Variants in ZSCAN21 observed in about 807,000 individuals in gnomAD.
The protein encoded by ZSCAN21 is zinc finger and SCAN domain containing 21.
A neutral mutation model predicts 35.6 loss-of-function variants in ZSCAN21; 26 were observed. The observed-to-expected ratio is 0.73, with a 90% CI of 0.54 to 1.01. The LOEUF (loss-of-function observed/expected upper bound fraction) is 1.01, where lower values mean the gene tolerates loss of function less well. Ranked by LOEUF, ZSCAN21 falls within the 50% of genes least tolerant of loss-of-function variation. The pLI, the probability that ZSCAN21 is intolerant of heterozygous loss-of-function variation, is 0.00. For missense variants in ZSCAN21, 593 were observed against 587.1 expected (o/e 1.01, Z -0.10); for synonymous variants, 219 against 219.3 (o/e 1.00, Z 0.01).
chr7:100,052,244 G>C (rs372816452), intron 1 of ZSCAN21, among the ~76,000 whole-genome samples: 1 of 151,964 alleles, frequency 6.6e-6, no homozygotes, highest in Non-Finnish European at 1.5e-5. Context: ...GCAACAAAGC[G>C]AGACCCTGCC....
Position 100,051,288 on chromosome 7 carries a change from T to TC in ZSCAN21, c.-97+1447_-97+1448insC, listed in dbSNP as rs1480637617. ...CTAGGGATCTAGGGATTTTCTTTTT[T>TC]TTTTTTTTTTTTTTTTTTTTTTTGA... On this transcript the variant is annotated intron_variant, in intron 1 of 3. Transcript: ENST00000292450. Among the ~76,000 whole-genome samples the TC allele has an allele frequency of 3.6e-4, 20 of 56,104 alleles. 1 individual carries two copies. The highest frequency in any genetic ancestry group is 1.2e-3 in the African/African-American group (20 of 16,478). The allele number at this position is 56,104 out of a possible 152,430, so 36.8% of individuals were successfully genotyped here.
rs192880688 is a variant in ZSCAN21 at position 100,056,465 on chromosome 7, A to G, written c.-96-446A>G. On this transcript the variant is annotated intron_variant, in intron 1 of 3. Coordinates refer to ENST00000292450, the MANE Select transcript of ZSCAN21 (RefSeq NM_145914.3). Reference sequence around the variant, plus strand: ...TAGGATATCCTGAGCTGATTGCAGAAAGATTTTTTTTTTTTTAGAGATGGA... The same window carrying G: ...TAGGATATCCTGAGCTGATTGCAGAGAGATTTTTTTTTTTTTAGAGATGGA... 2.1e-3 allele frequency among the ~76,000 whole-genome samples: 292 copies of G among 142,254 alleles called. 2 individuals are homozygous for G. The highest frequency in any genetic ancestry group is 4.0e-3 in the Admixed American group (58 of 14,492). 93.3% of individuals were successfully genotyped at this position (142,254 alleles called of 152,430 possible).
Position 100,056,957 on chromosome 7 carries a change from T to G in ZSCAN21, c.-50T>G, listed in dbSNP as rs1562845327. The G allele has an allele frequency of 6.6e-7, 1 of 1,512,288 alleles. No individual in the cohort carries two copies. Among genetic ancestry groups the G allele is most frequent in the Non-Finnish European group, 8.8e-7 (1 of 1,130,078 alleles). 93.7% of individuals were successfully genotyped at this position (1,512,288 alleles called of 1,614,324 possible). A position where few individuals can be genotyped will look rare whatever the true frequency, so the allele number is the denominator to read the frequency against. On this transcript the variant is annotated 5_prime_UTR_variant, in exon 2 of 4. Transcript: ENST00000292450. ...AACTGGAAACCCAAAGGAACGAATA[T>G]TCCTGCCCCACAGAGTCCCATCTTT...
chr7:100,063,911 G>T lies in ZSCAN21; in HGVS notation c.716G>T (p.Arg239Met). Residue 239 changes from arginine to methionine, a missense_variant, in exon 4 of 4, where the codon AGG becomes ATG. Arg to Met is a moderately conservative substitution (Grantham distance 91). Transcript: ENST00000292450. ...IANKPEASLE[R>M]QCVNLENEKG... Reference sequence around the variant, plus strand: ...AATAAACCTGAGGCCAGCTTAGAGAGGCAGTGCGTAAACCTTGAAAATGAA... The same window carrying T: ...AATAAACCTGAGGCCAGCTTAGAGATGCAGTGCGTAAACCTTGAAAATGAA... 6.2e-7 allele frequency: 1 copy of T among 1,614,164 alleles called. No individual in the cohort carries two copies. The highest frequency in any genetic ancestry group is 8.5e-7 in the Non-Finnish European group (1 of 1,180,038).
chr7:100,051,818 T>C (rs1469977728), intron 1 of ZSCAN21, among the ~76,000 whole-genome samples: 2 of 152,110 alleles, frequency 1.3e-5, no homozygotes, highest in Non-Finnish European at 2.9e-5. Flanking sequence ...TGATAGACCA[T>C]GAACTTTTGC....
At chr7:100,060,806 G>A (rs1792259794) in intron 3 of ZSCAN21, among the ~76,000 whole-genome samples, 1 of 144,470 alleles carries the variant, frequency 6.9e-6, no homozygotes, top group African/African-American at 2.5e-5. Flanking sequence ...GTTGCAGTAA[G>A]TCAAGATCGC....
At chr7:100,058,817 C>T (rs918090140) in intron 3 of ZSCAN21, among the ~76,000 whole-genome samples, 2 of 152,140 alleles carry the variant, frequency 1.3e-5, no homozygotes, top group African/African-American at 2.4e-5. Flanking sequence ...TCAAATGATC[C>T]TCCCACCTCA....
At chr7:100,053,546 A>AT (rs1554358004) in intron 1 of ZSCAN21, among the ~76,000 whole-genome samples, 96 of 79,492 alleles carry the variant, frequency 1.2e-3, no homozygotes, top group East Asian at 3.7e-3. Context: ...TACATACATA[A>AT]TTTTTTTTTT....
At position 100,053,546 on chromosome 7, in the gene ZSCAN21, A is replaced by ATACATAGT. The variant is rs755978112; in HGVS notation, c.-96-3364_-96-3363insACATAGTT. On this transcript the variant is annotated intron_variant, in intron 1 of 3. Coordinates refer to ENST00000292450, the MANE Select transcript of ZSCAN21 (RefSeq NM_145914.3). The stretch of plus-strand genomic sequence containing the variant: ...ACATACATACATACATACATACATA[A>ATACATAGT]TTTTTTTTTTTTTTTTTTTTTTGCA... Among the ~76,000 whole-genome samples, 782 of 79,424 alleles carry ATACATAGT rather than the reference A, an allele frequency of 9.8e-3. 95 individuals carry two copies. Among genetic ancestry groups the ATACATAGT allele is most frequent in the Middle Eastern group, 0.043 (8 of 186 alleles). The allele number at this position is 79,424 out of a possible 152,430, so 52.1% of individuals were successfully genotyped here. A position where few individuals can be genotyped will look rare whatever the true frequency, so the allele number is the denominator to read the frequency against.
In ZSCAN21 at chr7:100,065,001, A is replaced by T; in HGVS notation, c.*384A>T. On this transcript the variant is annotated 3_prime_UTR_variant, in exon 4 of 4. Coordinates refer to ENST00000292450, the MANE Select transcript of ZSCAN21 (RefSeq NM_145914.3). ...TAAAGAATTGAGCCACATTGAACAC[A>T]ATTGAATGAGATTCAGAATAAACTT... 1.3e-6 allele frequency: 2 copies of T among 1,511,722 alleles called. No homozygotes were observed. Among genetic ancestry groups the T allele is most frequent in the South Asian group, 2.4e-5 (2 of 82,670 alleles). The allele number at this position is 1,511,722 out of a possible 1,614,324, so 93.6% of individuals were successfully genotyped here.
At chr7:100,051,602 G>A (rs1267046568) in intron 1 of ZSCAN21, 1 of 152,060 alleles carries the variant, frequency 6.6e-6, no homozygotes, top group African/African-American at 2.4e-5. Flanking sequence ...GCCCCCTAGG[G>A]ATTTTCAGGT....
intron 3 of ZSCAN21, among the ~76,000 whole-genome samples, chr7:100,062,775 T>A (rs1181119506): frequency 1.3e-5 from 2 of 151,960 alleles, no homozygotes; most frequent in East Asian, 3.9e-4. Flanking sequence ...TTCGGGAGGC[T>A]GAGTCAGGAG....
rs555411621 is a variant in ZSCAN21, at chr7:100,057,235, G to T, written c.229G>T (p.Glu77Ter). 1 of 1,613,754 alleles carries T rather than the reference G, an allele frequency of 6.2e-7. No homozygotes were observed. The highest frequency in any genetic ancestry group is 1.1e-5 in the South Asian group (1 of 91,048). The change falls in exon 2 of 4, where the codon GAG becomes TAG. Residue 77 changes from glutamate to a stop codon, truncating the protein, a stop_gained. Transcript: ENST00000292450. LOFTEE classifies it high-confidence loss of function. ...GCTCTGCTGTGAGTGGCTGAGGCCCGAGATCCACACCAAGGAGCAGATCCT... is the reference window on the plus strand; with the variant it reads ...GCTCTGCTGTGAGTGGCTGAGGCCCTAGATCCACACCAAGGAGCAGATCCT... ...RVLCCEWLRP[E>*]IHTKEQILEL...
intron 1 of ZSCAN21, among the ~76,000 whole-genome samples, chr7:100,050,466 G>C (rs1271375259): frequency 4.6e-5 from 7 of 152,178 alleles, no homozygotes; most frequent in Admixed American, 4.6e-4. Context: ...CAGCAGTTCG[G>C]GAGGCCGAGG....
chr7:100,057,379 C>T lies in ZSCAN21; in HGVS notation c.373C>T (p.Arg125Trp), dbSNP rs373816425. 3.6e-5 allele frequency: 57 copies of T among 1,565,304 alleles called. No homozygotes were observed. The highest frequency in any genetic ancestry group is 1.1e-4 in the East Asian group (5 of 44,554). The change falls in exon 2 of 4, where the codon CGG (arginine) becomes TGG (tryptophan). Residue 125 changes from arginine to tryptophan, a missense_variant. Coordinates refer to ENST00000292450, the MANE Select transcript of ZSCAN21 (RefSeq NM_145914.3). ...TGTCACTCTCCTCGAAGATCTGGAG[C>T]GGGAACTGGATGAGCCAGGACACCA... Reference protein sequence around the residue: ...EAVTLLEDLERELDEPGHQVS... With the variant: ...EAVTLLEDLEWELDEPGHQVS...
At chr7:100,057,469 G>A in intron 2 of ZSCAN21, 64 bp downstream of exon 2, 7 of 1,495,774 alleles carry the variant, frequency 4.7e-6, no homozygotes, top group Non-Finnish European at 6.2e-6. Flanking sequence ...GCAGGAACAA[G>A]GGTTTGTCCA....
At chr7:100,053,519 T>TTACATACATACA (rs56855067) in intron 1 of ZSCAN21, among the ~76,000 whole-genome samples, 8,621 of 101,794 alleles carry the variant, frequency 0.085, 981 homozygotes, top group African/African-American at 0.25. Flanking sequence ...AGGAGGGCTC[T>TTACATACATACA]TACATACATA....
chr7:100,061,988 G>A (rs889445501), intron 3 of ZSCAN21, among the ~76,000 whole-genome samples: 1 of 152,216 alleles, frequency 6.6e-6, no homozygotes, highest in Non-Finnish European at 1.5e-5. Context: ...TTTTAATAGT[G>A]AGCGTCACTT....
chr7:100,059,209 C>T (rs1198439927), intron 3 of ZSCAN21, among the ~76,000 whole-genome samples: 13 of 152,076 alleles, frequency 8.5e-5, no homozygotes, highest in East Asian at 1.9e-4. Context: ...AGTTTCGAGC[C>T]GGTTAAAAAT....
Sources: gnomAD v4.1 joint callset for allele counts (sites outside exome capture counted in the v4.1 genomes callset) on GRCh38, gnomAD v4.1.1 for gene constraint, MANE v1.5 for transcripts, NCBI Gene and HGNC (gene_info 2026-07-23, HGNC 2026-07-21) for gene names.